Variants in TP63 observed in about 807,000 individuals in gnomAD.
TP63 encodes tumor protein p63.
TP63 carries 17 observed loss-of-function variants against 82.8 expected under a neutral mutation model. The observed-to-expected ratio is 0.21, with a 90% CI of 0.14 to 0.31. TP63 has a LOEUF of 0.31. TP63 is among the 10% of genes least tolerant of loss of function. TP63 has a pLI of 1.00. For synonymous variants in TP63, 330 were observed against 321.7 expected (o/e 1.03, Z -0.28); for missense variants, 648 against 895.3 (o/e 0.72, Z 3.52).
At chr3:189,818,019 T>G (rs1245967095) in intron 4 of TP63, among the ~76,000 whole-genome samples, 1 of 151,830 alleles carries the variant, frequency 6.6e-6, no homozygotes, top group East Asian at 1.9e-4. Flanking sequence ...ATGGAATTAA[T>G]TTACAGTAAT....
chr3:189,631,288 T>G (rs79178017), upstream of TP63: 1 of 1,343,614 alleles, frequency 7.4e-7, no homozygotes, highest in East Asian at 3.1e-5. Flanking sequence ...AAGAATCGAG[T>G]GTTTATGAAG....
At chr3:189,731,727 A>C (rs1720188228) in intron 1 of TP63, among the ~76,000 whole-genome samples, 1 of 152,206 alleles carries the variant, frequency 6.6e-6, no homozygotes, top group African/African-American at 2.4e-5. Context: ...TAATCCAAGA[A>C]AAACAACTTG....
chr3:189,686,921 G>A (rs2108708509), intron 1 of TP63, among the ~76,000 whole-genome samples: 1 of 151,988 alleles, frequency 6.6e-6, no homozygotes, highest in Admixed American at 6.5e-5. Context: ...AGTAGAGACG[G>A]GGTTTCTCCA....
intron 1 of TP63, among the ~76,000 whole-genome samples, chr3:189,632,800 T>C (rs191367322): frequency 6.6e-6 from 1 of 152,232 alleles, no homozygotes; most frequent in East Asian, 1.9e-4. Flanking sequence ...AAATTAGATC[T>C]AGCTGCAGTT....
chr3:189,660,635 CTG>C (rs1200512299), intron 1 of TP63, among the ~76,000 whole-genome samples: 1 of 151,972 alleles, frequency 6.6e-6, no homozygotes, highest in Non-Finnish European at 1.5e-5. Flanking sequence ...AATGTTGAAT[CTG>C]TAGATTGATT....
intron 10 of TP63, chr3:189,881,384 C>T (rs1194407580): frequency 2.0e-6 from 2 of 985,262 alleles, no homozygotes; most frequent in Admixed American, 1.2e-4. Context: ...TTCCCACACC[C>T]AGTCACCAGC....
chr3:189,757,624 C>T (rs1332178777), intron 3 of TP63, among the ~76,000 whole-genome samples: 1 of 152,166 alleles, frequency 6.6e-6, no homozygotes, highest in East Asian at 1.9e-4. Flanking sequence ...AAAAAATCTA[C>T]ACAGATTTGT....
intron 1 of TP63, among the ~76,000 whole-genome samples, chr3:189,729,494 T>C (rs1720006187): frequency 6.6e-6 from 1 of 152,172 alleles, no homozygotes; most frequent in South Asian, 2.1e-4. Context: ...TGTTGAAATA[T>C]GCAAAATAGA....
At chr3:189,603,934 C>T in the TP63 span, among the ~76,000 whole-genome samples, 2 of 151,794 alleles carry the variant, frequency 1.3e-5, no homozygotes, top group Admixed American at 1.3e-4. Flanking sequence ...TAAGATTAGC[C>T]CCCAAAAGTT....
intron 3 of TP63, among the ~76,000 whole-genome samples, chr3:189,754,120 G>A (rs761991742): frequency 1.2e-4 from 18 of 151,996 alleles, no homozygotes; most frequent in Admixed American, 1.1e-3. Flanking sequence ...CTACCATTTT[G>A]CCTGGACATC....
chr3:189,828,261 AAAG>A (rs1711741650), intron 4 of TP63, among the ~76,000 whole-genome samples: 1 of 151,924 alleles, frequency 6.6e-6, no homozygotes, highest in South Asian at 2.1e-4. Context: ...AAAAAAAAAA[AAAG>A]AGAGAGAGAT....
At chr3:189,859,433 T>A (rs1716731540) in intron 4 of TP63, among the ~76,000 whole-genome samples, 2 of 152,136 alleles carry the variant, frequency 1.3e-5, no homozygotes, top group East Asian at 3.8e-4. Context: ...TATATATAAA[T>A]ATGAATGAAA....
chr3:189,663,841 C>G (rs1468492618), intron 1 of TP63, among the ~76,000 whole-genome samples: 2 of 151,920 alleles, frequency 1.3e-5, no homozygotes, highest in Non-Finnish European at 2.9e-5. Context: ...GCCACCGCAC[C>G]CAGCCATTTC....
chr3:189,597,207 T>C, the TP63 span, among the ~76,000 whole-genome samples: 32 of 152,204 alleles, frequency 2.1e-4, no homozygotes, highest in African/African-American at 7.7e-4. Flanking sequence ...ACAGAGAGAC[T>C]GGACAGCCTT....
At chr3:189,640,209 A>G (rs1049561879) in intron 1 of TP63, among the ~76,000 whole-genome samples, 2 of 152,120 alleles carry the variant, frequency 1.3e-5, no homozygotes, top group African/African-American at 4.8e-5. Flanking sequence ...AAAAATTTTC[A>G]TAAGATGTAT....
chr3:189,597,928 C>CAAAAAAAA, the TP63 span, among the ~76,000 whole-genome samples: 1 of 130,866 alleles, frequency 7.6e-6, no homozygotes, highest in Non-Finnish European at 1.7e-5. Context: ...GACCCTGCCT[C>CAAAAAAAA]AAAAAAAAAA....
At position 189,895,386 on chromosome 3, in the gene TP63, CT is replaced by C; in HGVS notation, c.*886del. ...CCCCCTTAAATTTAATACCAGATAC[CT>C]TATCTTACAATATTGATTGGGAAAA... On this transcript the variant is annotated 3_prime_UTR_variant, in exon 14 of 14. Coordinates refer to ENST00000264731, the MANE Select transcript of TP63 (RefSeq NM_003722.5). 1 of 216,754 alleles carries C rather than the reference CT, an allele frequency of 4.6e-6. No homozygotes were observed. Among genetic ancestry groups the C allele is most frequent in the Non-Finnish European group, 9.3e-6 (1 of 107,686 alleles). 13.4% of individuals were successfully genotyped at this position (216,754 alleles called of 1,614,324 possible). A position where few individuals can be genotyped will look rare whatever the true frequency, so the allele number is the denominator to read the frequency against.
chr3:189,796,689 A>C (rs12107466), intron 3 of TP63, among the ~76,000 whole-genome samples: 4,276 of 152,136 alleles, frequency 0.028, 199 homozygotes, highest in African/African-American at 0.098. Context: ...TAGTTCAATG[A>C]AGTGTCTGTA....
intron 4 of TP63, among the ~76,000 whole-genome samples, chr3:189,824,016 C>G (rs1394612342): frequency 6.6e-6 from 1 of 152,006 alleles, no homozygotes; most frequent in East Asian, 1.9e-4. Context: ...GCAATAAATG[C>G]CAAAAGCCTA....
Sources: allele counts gnomAD v4.1 joint callset (sites outside exome capture counted in the v4.1 genomes callset), GRCh38; gene constraint gnomAD v4.1.1; transcripts MANE v1.5; gene names NCBI Gene and HGNC (gene_info 2026-07-23, HGNC 2026-07-21).